RASA1: variants seen among roughly 807,000 people sequenced by gnomAD.
The protein encoded by RASA1 is ras GTPase-activating protein 1.
In RASA1, 25 loss-of-function variants were observed where a neutral mutation model predicts 132.2. The ratio of observed to expected loss-of-function variants is 0.19; its 90% CI spans 0.14 to 0.26. The LOEUF is 0.26. RASA1 is among the 10% of genes least tolerant of loss of function. The pLI is 1.00. For synonymous variants in RASA1, 477 were observed against 449.9 expected (o/e 1.06, Z -0.76); for missense variants, 964 against 1,299.2 (o/e 0.74, Z 3.97).
chr5:87,318,278 A>T (rs1158735035), intron 1 of RASA1: 1 of 152,156 alleles, frequency 6.6e-6, no homozygotes, highest in African/African-American at 2.4e-5. Flanking sequence ...TTAGAGGAGG[A>T]GTTTATGGCC....
At chr5:87,372,272 T>C (rs1216672446) in intron 13 of RASA1, 77 bp downstream of exon 13, 1 of 1,359,106 alleles carries the variant, frequency 7.4e-7, no homozygotes, top group Non-Finnish European at 1.0e-6. Flanking sequence ...TATTTTTATC[T>C]GAACTGTTTT....
chr5:87,390,923 C>A lies in RASA1; in HGVS notation c.*40C>A. ...GTGTTCTGCATGGATTCAGCATGTC[C>A]AACATGGTAATTCACTTCAGTTTAA... On this transcript the variant is annotated 3_prime_UTR_variant, in exon 25 of 25. Coordinates refer to ENST00000274376, the MANE Select transcript of RASA1 (RefSeq NM_002890.3). 6.5e-7 allele frequency: 1 copy of A among 1,543,126 alleles called. No homozygotes were observed. Among genetic ancestry groups the A allele is most frequent in the Non-Finnish European group, 9.0e-7 (1 of 1,115,820 alleles).
intron 1 of RASA1, among the ~76,000 whole-genome samples, chr5:87,278,702 A>C (rs1309720936): frequency 6.6e-6 from 1 of 152,084 alleles, no homozygotes; most frequent in East Asian, 1.9e-4. Context: ...CCAGTTTTAC[A>C]TATATTCATT....
At chr5:87,366,331 G>T in intron 11 of RASA1, 1 of 400,374 alleles carries the variant, frequency 2.5e-6, no homozygotes, top group Non-Finnish European at 5.2e-6. Context: ...GCATTATTTT[G>T]ATATAGTTTA....
chr5:87,352,690 G>A (rs1759362520), intron 8 of RASA1, among the ~76,000 whole-genome samples: 3 of 151,118 alleles, frequency 2.0e-5, no homozygotes, highest in African/African-American at 4.9e-5. Context: ...CTTTTCATGT[G>A]TTTTATGACC....
At chr5:87,347,696 G>A (rs1758962225) in intron 7 of RASA1, among the ~76,000 whole-genome samples, 1 of 151,790 alleles carries the variant, frequency 6.6e-6, no homozygotes, top group Non-Finnish European at 1.5e-5. Context: ...TGAAGCTGTA[G>A]GTTAAGTAGG....
intron 17 of RASA1, 119 bp from the exon 18 acceptor site, chr5:87,378,277 G>A (rs929811038): frequency 3.4e-6 from 4 of 1,193,002 alleles, no homozygotes; most frequent in Non-Finnish European, 5.0e-6. Flanking sequence ...AACGCTGCAC[G>A]CAAAAAGCAC....
chr5:87,374,152 T>A lies in RASA1; in HGVS notation c.1777-11T>A. Reference sequence around the variant, plus strand: ...GGGGTAATATATATATATATATTTTTTTTTTTTTAGGTCAGCAGCCTTGTT... The same window carrying A: ...GGGGTAATATATATATATATATTTTATTTTTTTTAGGTCAGCAGCCTTGTT... On this transcript the variant is annotated splice_polypyrimidine_tract_variant and intron_variant, in intron 13 of 24. Coordinates refer to ENST00000274376, the MANE Select transcript of RASA1 (RefSeq NM_002890.3). 2 of 1,423,470 alleles carry A rather than the reference T, an allele frequency of 1.4e-6. No individual in the cohort carries two copies. The highest frequency in any genetic ancestry group is 1.8e-6 in the Non-Finnish European group (2 of 1,082,804). The allele number at this position is 1,423,470 out of a possible 1,614,324, so 88.2% of individuals were successfully genotyped here.
chr5:87,289,138 AAG>A (rs1470507599), intron 1 of RASA1, among the ~76,000 whole-genome samples: 3 of 151,590 alleles, frequency 2.0e-5, no homozygotes, highest in Admixed American at 6.6e-5. Flanking sequence ...AACATTTTTG[AAG>A]AGTTTAGGAT....
chr5:87,315,680 G>A (rs1756274102), intron 1 of RASA1, among the ~76,000 whole-genome samples: 1 of 152,078 alleles, frequency 6.6e-6, no homozygotes, highest in South Asian at 2.1e-4. Context: ...TATGGGAGAG[G>A]GTTGAACAAC....
chr5:87,287,214 ACACACCGTATAT>A (rs1422786043), intron 1 of RASA1, among the ~76,000 whole-genome samples: 3 of 147,804 alleles, frequency 2.0e-5, no homozygotes, highest in African/African-American at 7.4e-5. Context: ...CCATATATAT[ACACACCGTATAT>A]ATACACACCA....
At chr5:87,326,144 G>A (rs1757215088) in intron 1 of RASA1, among the ~76,000 whole-genome samples, 1 of 151,998 alleles carries the variant, frequency 6.6e-6, no homozygotes, top group Non-Finnish European at 1.5e-5. Context: ...GCTAATTTTT[G>A]TATTTTTTGT....
intron 1 of RASA1, among the ~76,000 whole-genome samples, chr5:87,302,011 G>A (rs1442391993): frequency 6.6e-6 from 1 of 152,116 alleles, no homozygotes; most frequent in Non-Finnish European, 1.5e-5. Flanking sequence ...TGAATTTTCT[G>A]ATAATGACTT....
intron 1 of RASA1, among the ~76,000 whole-genome samples, chr5:87,275,901 C>A (rs1754043115): frequency 6.6e-6 from 1 of 152,136 alleles, no homozygotes. Flanking sequence ...GCAGCTATGG[C>A]AGTTCCGTGA....
At chr5:87,335,571 G>A (rs748468006) in intron 4 of RASA1, among the ~76,000 whole-genome samples, 7 of 151,454 alleles carry the variant, frequency 4.6e-5, no homozygotes, top group African/African-American at 9.7e-5. Flanking sequence ...AACTATGGGC[G>A]TCTGCCACCA....
At chr5:87,328,116 A>T (rs781110049) in intron 1 of RASA1, among the ~76,000 whole-genome samples, 1 of 152,210 alleles carries the variant, frequency 6.6e-6, no homozygotes, top group Non-Finnish European at 1.5e-5. Flanking sequence ...TTCTTCTTTC[A>T]TTGGACAAAT....
chr5:87,275,372 G>GT (rs1218431086), intron 1 of RASA1, among the ~76,000 whole-genome samples: 1 of 152,200 alleles, frequency 6.6e-6, no homozygotes, highest in African/African-American at 2.4e-5. Flanking sequence ...AAACAATTGT[G>GT]TATTTGCCCT....
intron 1 of RASA1, among the ~76,000 whole-genome samples, chr5:87,275,587 T>C (rs560857324): frequency 1.9e-4 from 28 of 150,518 alleles, no homozygotes; most frequent in African/African-American, 5.1e-4. Flanking sequence ...TTTTTTTTTT[T>C]CCCCCCTGAG....
chr5:87,310,481 T>G (rs1755827551), intron 1 of RASA1, among the ~76,000 whole-genome samples: 1 of 152,304 alleles, frequency 6.6e-6, no homozygotes, highest in Middle Eastern at 3.4e-3. Context: ...TTGAAAACAA[T>G]GGCCACCAAA....
Sources: allele counts gnomAD v4.1 joint callset (sites outside exome capture counted in the v4.1 genomes callset), GRCh38; gene constraint gnomAD v4.1.1; transcripts MANE v1.5; gene names NCBI Gene and HGNC (gene_info 2026-07-23, HGNC 2026-07-21).